Variants in MBD2 observed in about 807,000 individuals in gnomAD.
MBD2 encodes methyl-CpG-binding domain protein 2.
MBD2 carries 9 observed loss-of-function variants against 39.3 expected under a neutral mutation model. The ratio of observed to expected loss-of-function variants is 0.23; its 90% CI spans 0.14 to 0.40. MBD2 has a LOEUF of 0.40. Among genes scored for constraint, MBD2 ranks in the 10% least tolerant of loss-of-function variants. MBD2 has a pLI of 1.00. For missense variants in MBD2, 458 were observed against 532.6 expected (o/e 0.86, Z 1.38); for synonymous variants, 233 against 211.1 (o/e 1.10, Z -0.90).
chr18:54,205,241 T>C (rs1311427230), intron 1 of MBD2, 84 bp from the exon 2 acceptor site: 1 of 1,150,804 alleles, frequency 8.7e-7, no homozygotes, highest in African/African-American at 1.6e-5. Flanking sequence ...CTACCCTCAA[T>C]TGATACCCCA....
chr18:54,220,324 AGAT>A (rs1157204682), intron 1 of MBD2, among the ~76,000 whole-genome samples: 3 of 152,242 alleles, frequency 2.0e-5, no homozygotes, highest in Non-Finnish European at 4.4e-5. Flanking sequence ...CAAACACACT[AGAT>A]GATAATATAT....
chr18:54,194,545 TTG>T (rs994606157), intron 2 of MBD2, among the ~76,000 whole-genome samples: 2 of 148,430 alleles, frequency 1.3e-5, no homozygotes, highest in African/African-American at 2.6e-5. Flanking sequence ...TATATAGAAG[TTG>T]TGTGTGTGTG....
intron 2 of MBD2, among the ~76,000 whole-genome samples, chr18:54,198,651 G>T (rs1367883936): frequency 6.6e-6 from 1 of 152,218 alleles, no homozygotes; most frequent in Non-Finnish European, 1.5e-5. Flanking sequence ...GGTCAAGGCT[G>T]CGTGAACTGT....
At chr18:54,217,626 TA>T (rs1486862197) in intron 1 of MBD2, among the ~76,000 whole-genome samples, 1 of 152,180 alleles carries the variant, frequency 6.6e-6, no homozygotes, top group East Asian at 1.9e-4. Context: ...CTATAGAATC[TA>T]AAAACCAAAA....
intron 1 of MBD2, among the ~76,000 whole-genome samples, chr18:54,212,217 T>C (rs1256764700): frequency 6.6e-6 from 1 of 152,150 alleles, no homozygotes; most frequent in Admixed American, 6.5e-5. Context: ...TGGTCCATAA[T>C]GCATGATGCT....
At chr18:54,205,615 T>TA (rs1474406568) in intron 1 of MBD2, among the ~76,000 whole-genome samples, 2 of 137,472 alleles carry the variant, frequency 1.5e-5, no homozygotes, top group Admixed American at 7.3e-5. Flanking sequence ...AAAAAAAAGT[T>TA]AAAGTTTTAC....
intron 5 of MBD2, among the ~76,000 whole-genome samples, chr18:54,161,502 A>G (rs1145312): frequency 0.043 from 6,494 of 152,296 alleles, 441 homozygotes; most frequent in African/African-American, 0.15. Flanking sequence ...TTTCACTGGC[A>G]GTCTCTCACT....
At position 54,159,899 on chromosome 18, in the gene MBD2, G is replaced by T; in HGVS notation, c.1114C>A (p.Gln372Lys). Residue 372 changes from glutamine to lysine, a missense_variant, in exon 6 of 7, where the codon CAG (glutamine) becomes AAG (lysine). Transcript: ENST00000256429. ...FIVTDEDIRKQEERVQQVRKK... is the reference protein window; with the variant it reads ...FIVTDEDIRKKEERVQQVRKK... ...CGTACTTGCTGTACTCGCTCTTCCT[G>T]TTTCCTTTTTAAAAACAGAATAAAA... 6.2e-7 allele frequency: 1 copy of T among 1,611,494 alleles called. No homozygotes were observed.
chr18:54,224,373 G>A lies in MBD2; in HGVS notation c.187C>T (p.Arg63Trp). Residue 63 changes from arginine to tryptophan, a missense_variant, in exon 1 of 7, where the codon CGG (arginine) becomes TGG (tryptophan). This residue lies in a region of MBD2 where 269 missense variants were observed against 236.0 expected (regional missense o/e 1.14). Coordinates refer to ENST00000256429, the MANE Select transcript of MBD2 (RefSeq NM_003927.5). ...CCGCCCCGGCCCGCCTGCTTCCACC[G>A]CCCCCGGCCACGGCCGCCGCCCCGA... ...GARGGGRGRG[R>W]WKQAGRGGGV... The A allele has an allele frequency of 1.7e-6, 2 of 1,203,834 alleles. No individual in the cohort carries two copies. Among genetic ancestry groups the A allele is most frequent in the Non-Finnish European group, 1.0e-6 (1 of 969,004 alleles). 74.6% of individuals were successfully genotyped at this position (1,203,834 alleles called of 1,614,324 possible).
At chr18:54,168,488 G>A (rs943084481) in intron 3 of MBD2, among the ~76,000 whole-genome samples, 9 of 150,612 alleles carry the variant, frequency 6.0e-5, no homozygotes, top group East Asian at 3.9e-4. Flanking sequence ...AAGATTTTGC[G>A]TATGCTCTTT....
chr18:54,209,187 T>C (rs971021611), intron 1 of MBD2, among the ~76,000 whole-genome samples: 6 of 151,020 alleles, frequency 4.0e-5, no homozygotes, highest in African/African-American at 1.2e-4. Flanking sequence ...TCCCTGCTAC[T>C]TGGGGAGGCT....
At chr18:54,176,791 A>G (rs1027695304) in intron 3 of MBD2, among the ~76,000 whole-genome samples, 1 of 152,232 alleles carries the variant, frequency 6.6e-6, no homozygotes, top group African/African-American at 2.4e-5. Context: ...AGAAAGAGCT[A>G]GATAATGACA....
At chr18:54,157,478 C>T (rs2086061354) in intron 6 of MBD2, among the ~76,000 whole-genome samples, 1 of 152,084 alleles carries the variant, frequency 6.6e-6, no homozygotes, top group Non-Finnish European at 1.5e-5. Flanking sequence ...CCAGGCTGGT[C>T]TCAAACTCCT....
chr18:54,223,532 A>G (rs79888542), intron 1 of MBD2, among the ~76,000 whole-genome samples: 4 of 152,084 alleles, frequency 2.6e-5, no homozygotes, highest in African/African-American at 9.7e-5. Context: ...AAGAAGTTCC[A>G]AAAAAACTTC....
chr18:54,220,496 T>G (rs1258161202), intron 1 of MBD2, among the ~76,000 whole-genome samples: 1 of 152,196 alleles, frequency 6.6e-6, no homozygotes, highest in Non-Finnish European at 1.5e-5. Context: ...GAGCTTAATT[T>G]CAGTCCAATT....
chr18:54,203,325 C>T lies in MBD2; in HGVS notation c.702+1673G>A, dbSNP rs572983694. ...TTAAGATGGCAATTTTAGAAAAATA[C>T]ACCTGAATTTTCCTCTGTGCATTTA... On this transcript the variant is annotated intron_variant, in intron 2 of 6. Coordinates refer to ENST00000256429, the MANE Select transcript of MBD2 (RefSeq NM_003927.5). 2.0e-4 allele frequency among the ~76,000 whole-genome samples: 31 copies of T among 152,294 alleles called. 1 individual carries two copies. Among genetic ancestry groups the T allele is most frequent in the Middle Eastern group, 3.4e-3 (1 of 294 alleles).
intron 3 of MBD2, among the ~76,000 whole-genome samples, chr18:54,180,897 C>CTTTTTTATTTTTTTTTTTTTTT (rs1211071727): frequency 9.5e-6 from 1 of 105,372 alleles, no homozygotes. Context: ...TTAATTTTTT[C>CTTTTTTATTTTTTTTTTTTTTT]TTTTTCTTTT....
chr18:54,208,428 G>A (rs1033804961), intron 1 of MBD2, among the ~76,000 whole-genome samples: 24 of 151,872 alleles, frequency 1.6e-4, no homozygotes, highest in African/African-American at 5.3e-4. Context: ...GGAGACAGAC[G>A]TTGCGGCAAG....
chr18:54,212,488 T>C (rs1462184014), intron 1 of MBD2, among the ~76,000 whole-genome samples: 3 of 152,214 alleles, frequency 2.0e-5, no homozygotes, highest in Non-Finnish European at 4.4e-5. Flanking sequence ...ATGAACTTAC[T>C]TGACGTCAGA....
Sources: gnomAD v4.1 joint callset for allele counts (sites outside exome capture counted in the v4.1 genomes callset) on GRCh38, gnomAD v4.1.1 for gene constraint, gnomAD v4.1.1 regional missense constraint, MANE v1.5 for transcripts, NCBI Gene and HGNC (gene_info 2026-07-23, HGNC 2026-07-21) for gene names.